ZNF808: variants seen among roughly 807,000 people sequenced by gnomAD.
ZNF808 encodes zinc finger protein 808.
A neutral mutation model predicts 8.7 loss-of-function variants in ZNF808; 5 were observed. That is an observed-to-expected ratio of 0.58 (90% CI 0.30 to 1.21). The LOEUF is 1.21. ZNF808 is among the 50% of genes most tolerant of loss of function. The pLI is 0.07. For missense variants in ZNF808, 1,103 were observed against 1,098.4 expected (o/e 1.00, Z -0.06); for synonymous variants, 380 against 366.0 (o/e 1.04, Z -0.44).
intron 2 of ZNF808, among the ~76,000 whole-genome samples, chr19:52,538,258 A>G (rs1251372921): frequency 7.6e-6 from 1 of 131,826 alleles, no homozygotes; most frequent in Non-Finnish European, 1.6e-5. Context: ...CCTGGGCTCA[A>G]AGGTTCCCCC....
At chr19:52,563,097 A>G (rs1199780842) in intron 3 of ZNF808, among the ~76,000 whole-genome samples, 1 of 151,956 alleles carries the variant, frequency 6.6e-6, no homozygotes, top group African/African-American at 2.4e-5. Context: ...TACTCCTTAT[A>G]ATGCTGTGTA....
chr19:52,547,622 G>A lies in ZNF808; in HGVS notation c.174G>A (p.Arg58=). Reference sequence around the variant, plus strand: ...GGGAAGTGATGTTGGAGAACTACAGGAACCTGGAGGCTGTGGGTGAGGAAA... The same window carrying A: ...GGGAAGTGATGTTGGAGAACTACAGAAACCTGGAGGCTGTGGGTGAGGAAA... ...LYREVMLENY[R]NLEAVDISSK... is the part of the protein sequence containing the mutation. The change falls in exon 4 of 5, where the codon AGG becomes AGA. Residue 58 remains arginine, a synonymous_variant. Transcript: ENST00000359798. The A allele has an allele frequency of 3.1e-6, 5 of 1,614,050 alleles. No homozygotes were observed. Among genetic ancestry groups the A allele is most frequent in the Non-Finnish European group, 4.2e-6 (5 of 1,179,982 alleles).
Position 52,541,694 on chromosome 19 carries a change from A to C in ZNF808, c.-19-1572A>C, listed in dbSNP as rs2059672112. ...TCCAGTTCTCCAAATATTAAAAAAA[A>C]AAAAGCACAAGATGATTAAAATCAG... On this transcript the variant is annotated intron_variant, in intron 2 of 4. Transcript: ENST00000359798. Among the ~76,000 whole-genome samples, 2 of 152,080 alleles carry C rather than the reference A, an allele frequency of 1.3e-5. 1 individual carries two copies. Among genetic ancestry groups the C allele is most frequent in the South Asian group, 4.1e-4 (2 of 4,824 alleles).
chr19:52,550,878 G>A (rs1279253513), intron 4 of ZNF808, among the ~76,000 whole-genome samples: 3 of 152,088 alleles, frequency 2.0e-5, no homozygotes, highest in Non-Finnish European at 4.4e-5. Flanking sequence ...TGATGTTGAT[G>A]ATGAGATGCC....
At chr19:52,535,949 C>G (rs1481994259) in intron 2 of ZNF808, 1 of 150,276 alleles carries the variant, frequency 6.7e-6, no homozygotes, top group Non-Finnish European at 1.5e-5. Flanking sequence ...CGCCCAGGCC[C>G]CGCCAAACTG....
downstream of ZNF808, among the ~76,000 whole-genome samples, chr19:52,558,422 A>C (rs1050032630): frequency 2.0e-5 from 3 of 150,238 alleles, no homozygotes; most frequent in African/African-American, 7.4e-5. Flanking sequence ...CCCAGGCTGG[A>C]GTGCAGTGGT....
At chr19:52,546,191 T>TTTTGTTTTTG (rs2059718316) in intron 3 of ZNF808, among the ~76,000 whole-genome samples, 4 of 142,418 alleles carry the variant, frequency 2.8e-5, no homozygotes, top group African/African-American at 1.1e-4. Flanking sequence ...CATAACAGTT[T>TTTTGTTTTTG]TTTTTTTTTT....
chr19:52,549,478 C>T (rs1261320364), intron 4 of ZNF808, among the ~76,000 whole-genome samples: 1 of 152,184 alleles, frequency 6.6e-6, no homozygotes, highest in African/African-American at 2.4e-5. Context: ...ACTGCTTTCA[C>T]CTCAGGCCAC....
downstream of ZNF808, among the ~76,000 whole-genome samples, chr19:52,567,486 T>TTTATTATTA (rs199989177): frequency 2.7e-4 from 10 of 37,200 alleles, no homozygotes; most frequent in Non-Finnish European, 3.2e-4. Context: ...AGCTGTATTT[T>TTTATTATTA]TTATTATTAT....
chr19:52,539,844 C>A (rs988249872), intron 2 of ZNF808, among the ~76,000 whole-genome samples: 2 of 151,584 alleles, frequency 1.3e-5, no homozygotes, highest in Admixed American at 6.6e-5. Context: ...TGAGCCGCTG[C>A]GCCCGGCCTT....
chr19:52,559,112 G>A (rs537373239), downstream of ZNF808, among the ~76,000 whole-genome samples: 3 of 152,222 alleles, frequency 2.0e-5, no homozygotes, highest in South Asian at 2.1e-4. Context: ...CCCAACACCC[G>A]TAAAGGGTCT....
intron 3 of ZNF808, among the ~76,000 whole-genome samples, 191 bp from the exon 4 acceptor site, chr19:52,547,321 C>A (rs556435101): frequency 6.6e-6 from 1 of 152,096 alleles, no homozygotes; most frequent in East Asian, 1.9e-4. Context: ...CTTATGGGAT[C>A]TTAAAATCTT....
At chr19:52,537,628 CTG>C (rs2059625986) in intron 2 of ZNF808, among the ~76,000 whole-genome samples, 1 of 150,458 alleles carries the variant, frequency 6.6e-6, no homozygotes, top group Non-Finnish European at 1.5e-5. Flanking sequence ...CTCCAGGCTG[CTG>C]TGAGCAGAGA....
intron 4 of ZNF808, among the ~76,000 whole-genome samples, chr19:52,550,676 A>G (rs2059768182): frequency 6.6e-6 from 1 of 151,910 alleles, no homozygotes; most frequent in Admixed American, 6.6e-5. Context: ...TGCCTGGCAC[A>G]AGCCTGGCTA....
At chr19:52,568,120 C>G (rs990112493), downstream of ZNF808, among the ~76,000 whole-genome samples, 2 of 152,194 alleles carry the variant, frequency 1.3e-5, no homozygotes, top group African/African-American at 4.8e-5. Context: ...GCCTGTAATC[C>G]CAGCACTCTG....
chr19:52,550,989 G>A (rs1600020422), intron 4 of ZNF808, among the ~76,000 whole-genome samples: 1 of 152,038 alleles, frequency 6.6e-6, no homozygotes, highest in South Asian at 2.1e-4. Flanking sequence ...GAAAGGCTGA[G>A]GTGGGTAGAT....
At chr19:52,550,286 A>G (rs2059764071) in intron 4 of ZNF808, among the ~76,000 whole-genome samples, 1 of 151,218 alleles carries the variant, frequency 6.6e-6, no homozygotes, top group African/African-American at 2.4e-5. Context: ...GCTGAAGTTC[A>G]ATTGCACAAT....
rs2123201944 is a variant in ZNF808 at position 52,554,393 on chromosome 19, A to C, written c.1477A>C (p.Ser493Arg). The part of the protein sequence containing the change: ...YKCNECRKTF[S>R]RRSSLLCHRR... ...GTGTAATGAGTGTCGCAAGACCTTC[A>C]GCCGCAGGTCATCCCTTCTATGCCA... is the stretch of plus-strand genomic sequence containing the variant. The change falls in exon 5 of 5, where the codon AGC becomes CGC. Residue 493 changes from serine (S) to arginine (R), a missense_variant. Ser to Arg is a moderately radical substitution (Grantham distance 110). Coordinates refer to ENST00000359798, the MANE Select transcript of ZNF808 (RefSeq NM_001039886.4). 6.2e-7 allele frequency: 1 copy of C among 1,614,000 alleles called. No individual in the cohort carries two copies. Among genetic ancestry groups the C allele is most frequent in the East Asian group, 2.2e-5 (1 of 44,816 alleles).
chr19:52,529,950 C>T (rs2059546444), intron 1 of ZNF808, among the ~76,000 whole-genome samples: 2 of 150,198 alleles, frequency 1.3e-5, no homozygotes, highest in Admixed American at 1.3e-4. Flanking sequence ...ACTATGTTTC[C>T]CAGGCTGTTC....
Sources: allele counts gnomAD v4.1 joint callset (sites outside exome capture counted in the v4.1 genomes callset), GRCh38; gene constraint gnomAD v4.1.1; transcripts MANE v1.5; gene names NCBI Gene and HGNC (gene_info 2026-07-23, HGNC 2026-07-21).